The following GALNTL6 variants were observed in gnomAD, a reference collection of about 807,000 sequenced individuals.
GALNTL6 encodes the protein polypeptide N-acetylgalactosaminyltransferase-like 6.
In GALNTL6, 46 loss-of-function variants were observed where a neutral mutation model predicts 73.7. The observed-to-expected ratio is 0.62, with a 90% CI of 0.49 to 0.80. The LOEUF (loss-of-function observed/expected upper bound fraction) is 0.80, where lower values mean the gene tolerates loss of function less well. Ranked by LOEUF, GALNTL6 falls within the 30% of genes least tolerant of loss-of-function variation. The pLI is 0.00. For missense variants in GALNTL6, 604 were observed against 755.0 expected (o/e 0.80, Z 2.34); for synonymous variants, 259 against 263.7 (o/e 0.98, Z 0.17).
chr4:172,145,794 C>T (rs1177719336), intron 2 of GALNTL6, among the ~76,000 whole-genome samples: 1 of 152,086 alleles, frequency 6.6e-6, no homozygotes, highest in Non-Finnish European at 1.5e-5. Context: ...TGGCCTAAAA[C>T]TTAAATTGGC....
intron 2 of GALNTL6, among the ~76,000 whole-genome samples, chr4:171,931,531 G>A (rs548130138): frequency 7.5e-4 from 114 of 152,286 alleles, no homozygotes; most frequent in African/African-American, 2.6e-3. Flanking sequence ...GTTTACTGGT[G>A]TTCTAATGCT....
chr4:172,029,858 G>A (rs1490147098), intron 2 of GALNTL6, among the ~76,000 whole-genome samples: 3 of 152,058 alleles, frequency 2.0e-5, no homozygotes, highest in African/African-American at 7.2e-5. Flanking sequence ...TAATATTTGT[G>A]TGATGCTCTA....
intron 7 of GALNTL6, among the ~76,000 whole-genome samples, chr4:172,821,960 C>A (rs1234695517): frequency 1.3e-5 from 2 of 152,146 alleles, no homozygotes; most frequent in African/African-American, 4.8e-5. Context: ...CCTGAGCCCC[C>A]AGTCTCCAGG....
At chr4:171,838,527 C>T (rs1410893894) in intron 2 of GALNTL6, among the ~76,000 whole-genome samples, 1 of 152,104 alleles carries the variant, frequency 6.6e-6, no homozygotes. Context: ...CATCCAGTGC[C>T]AAGAGCCTCA....
chr4:172,022,271 C>T (rs895138842), intron 2 of GALNTL6, among the ~76,000 whole-genome samples: 1 of 152,044 alleles, frequency 6.6e-6, no homozygotes, highest in East Asian at 1.9e-4. Context: ...GCTGCCATTT[C>T]TGATAGCATT....
intron 2 of GALNTL6, among the ~76,000 whole-genome samples, chr4:172,155,831 A>C (rs1734236132): frequency 6.6e-6 from 1 of 151,004 alleles, no homozygotes; most frequent in African/African-American, 2.4e-5. Context: ...TGACCACACT[A>C]CTCCATTTTC....
At chr4:172,853,589 A>G (rs181106249) in intron 7 of GALNTL6, among the ~76,000 whole-genome samples, 51 of 152,218 alleles carry the variant, frequency 3.4e-4, no homozygotes, top group Non-Finnish European at 5.0e-4. Context: ...ATAGCACCTC[A>G]TATTTGGAGG....
At chr4:172,913,786 G>A (rs1453997344) in intron 8 of GALNTL6, among the ~76,000 whole-genome samples, 1 of 152,160 alleles carries the variant, frequency 6.6e-6, no homozygotes, top group African/African-American at 2.4e-5. Context: ...TTAAAGTGAT[G>A]GGAAGAATGG....
Position 172,505,668 on chromosome 4 carries a change from T to A in GALNTL6, c.553+156979T>A, listed in dbSNP as rs1734378146. ...GTGGCCCAGTGAGCTTTATATTTCT[T>A]TTACTGTTTTCCTCTAATCCAGAAT... On this transcript the variant is annotated intron_variant, in intron 5 of 12. Coordinates refer to ENST00000506823, the MANE Select transcript of GALNTL6 (RefSeq NM_001034845.3). Among the ~76,000 whole-genome samples the A allele has an allele frequency of 3.7e-5, 2 of 54,346 alleles. 1 individual carries two copies. The highest frequency in any genetic ancestry group is 8.5e-5 in the Non-Finnish European group (2 of 23,640). 35.7% of individuals were successfully genotyped at this position (54,346 alleles called of 152,430 possible). A position where few individuals can be genotyped will look rare whatever the true frequency, so the allele number is the denominator to read the frequency against.
chr4:172,783,152 A>G lies in GALNTL6; in HGVS notation c.554-26209A>G, dbSNP rs528277644. The stretch of plus-strand genomic sequence containing the variant: ...CAATTCCTAAATCAGATATTTAGGA[A>G]TAAATTTGGTAAAATCACATATAAC... On this transcript the variant is annotated intron_variant, in intron 5 of 12. Transcript: ENST00000506823. Among the ~76,000 whole-genome samples the G allele has an allele frequency of 1.3e-5, 2 of 151,336 alleles. 1 individual carries two copies. The highest frequency in any genetic ancestry group is 4.2e-4 in the South Asian group (2 of 4,812).
intron 2 of GALNTL6, among the ~76,000 whole-genome samples, chr4:171,920,987 G>A (rs1042622336): frequency 3.3e-5 from 5 of 151,720 alleles, no homozygotes; most frequent in Admixed American, 6.6e-5. Context: ...ATAATTTAAG[G>A]TATTGTGTAT....
intron 2 of GALNTL6, among the ~76,000 whole-genome samples, chr4:171,913,199 A>C (rs1043227877): frequency 6.6e-6 from 1 of 152,230 alleles, no homozygotes; most frequent in African/African-American, 2.4e-5. Context: ...ATTTTCTTAG[A>C]TGGAACTGGA....
At chr4:172,264,862 T>C (rs2111044127) in intron 3 of GALNTL6, among the ~76,000 whole-genome samples, 1 of 151,272 alleles carries the variant, frequency 6.6e-6, no homozygotes, top group South Asian at 2.1e-4. Context: ...TTCTTCTTTT[T>C]TTTTTCTTGA....
intron 5 of GALNTL6, among the ~76,000 whole-genome samples, chr4:172,573,918 C>A (rs1049331068): frequency 6.6e-6 from 1 of 152,126 alleles, no homozygotes; most frequent in Admixed American, 6.6e-5. Flanking sequence ...TAACATTTCT[C>A]AACTTGTTTA....
chr4:171,913,431 C>T (rs947182081), intron 2 of GALNTL6, among the ~76,000 whole-genome samples: 8 of 152,148 alleles, frequency 5.3e-5, no homozygotes, highest in Non-Finnish European at 1.2e-4. Context: ...ATATTATTGC[C>T]ACCCACAGCT....
chr4:172,739,379 A>C (rs1018263107), intron 5 of GALNTL6, among the ~76,000 whole-genome samples: 2 of 152,132 alleles, frequency 1.3e-5, no homozygotes, highest in African/African-American at 4.8e-5. Flanking sequence ...GTTCATGCTC[A>C]TTTGTTTGCA....
chr4:172,035,129 T>G (rs928346174), intron 2 of GALNTL6, among the ~76,000 whole-genome samples: 1 of 152,116 alleles, frequency 6.6e-6, no homozygotes, highest in East Asian at 1.9e-4. Context: ...AGAACAAGTA[T>G]GCTTATTACC....
At chr4:172,301,680 G>A (rs1739930620) in intron 3 of GALNTL6, among the ~76,000 whole-genome samples, 1 of 152,178 alleles carries the variant, frequency 6.6e-6, no homozygotes, top group South Asian at 2.1e-4. Context: ...CTGCAGAACA[G>A]CAGATATTGG....
intron 5 of GALNTL6, among the ~76,000 whole-genome samples, chr4:172,784,108 G>A (rs893996627): frequency 3.3e-5 from 5 of 151,916 alleles, no homozygotes; most frequent in Non-Finnish European, 4.4e-5. Context: ...TTTTATTTAT[G>A]GGACAACTAA....
Sources: allele counts gnomAD v4.1 joint callset (sites outside exome capture counted in the v4.1 genomes callset), GRCh38; gene constraint gnomAD v4.1.1; transcripts MANE v1.5; gene names NCBI Gene and HGNC (gene_info 2026-07-23, HGNC 2026-07-21).